The following ANO1 variants were observed in gnomAD, a reference collection of about 807,000 sequenced individuals.
ANO1 encodes anoctamin-1.
Under a neutral mutation model 124.0 loss-of-function variants are expected in ANO1, and 59 were observed. The ratio of observed to expected loss-of-function variants is 0.48; its 90% CI spans 0.39 to 0.59. ANO1 has a LOEUF of 0.59. Among genes scored for constraint, ANO1 ranks in the 20% least tolerant of loss-of-function variants. The pLI, the probability that ANO1 is intolerant of heterozygous loss-of-function variation, is 0.00. For missense variants in ANO1, 1,059 were observed against 1,328.0 expected, an observed-to-expected ratio of 0.80 and a Z score of 3.15; for synonymous variants, 529 against 532.0, an observed-to-expected ratio of 0.99 and a Z score of 0.08.
At chr11:70,167,591 T>C (rs981523450) in intron 21 of ANO1, among the ~76,000 whole-genome samples, 1 of 152,048 alleles carries the variant, frequency 6.6e-6, no homozygotes, top group Non-Finnish European at 1.5e-5. Flanking sequence ...GCATGGCTGC[T>C]CTGGATGGAG....
At chr11:70,134,955 C>G (rs564717208) in intron 11 of ANO1, among the ~76,000 whole-genome samples, 2 of 152,188 alleles carry the variant, frequency 1.3e-5, no homozygotes, top group Non-Finnish European at 2.9e-5. Flanking sequence ...ACTTAGTGTG[C>G]TGGCTCAGAG....
intron 1 of ANO1, among the ~76,000 whole-genome samples, chr11:69,999,303 G>T (rs1554998851): frequency 6.6e-6 from 1 of 152,052 alleles, no homozygotes; most frequent in Non-Finnish European, 1.5e-5. Flanking sequence ...AATCTCATGA[G>T]AACTCACTTA....
intron 1 of ANO1, among the ~76,000 whole-genome samples, chr11:70,011,342 G>A (rs1856595880): frequency 6.6e-6 from 1 of 152,132 alleles, no homozygotes; most frequent in Non-Finnish European, 1.5e-5. Flanking sequence ...TGTCAGCCAG[G>A]TGAGTTTAGG....
At chr11:70,154,037 A>T (rs2135662131) in intron 14 of ANO1, among the ~76,000 whole-genome samples, 1 of 152,080 alleles carries the variant, frequency 6.6e-6, no homozygotes, top group East Asian at 1.9e-4. Flanking sequence ...AAGTGCTGGG[A>T]TTACAGATGT....
intron 1 of ANO1, among the ~76,000 whole-genome samples, chr11:70,010,310 C>G (rs1200356571): frequency 6.6e-6 from 1 of 151,142 alleles, no homozygotes; most frequent in African/African-American, 2.4e-5. Context: ...CACAGGTGTG[C>G]AAGTGCCTTT....
the ANO1 span, among the ~76,000 whole-genome samples, chr11:69,976,529 A>G: frequency 2.1e-3 from 45 of 21,512 alleles, 5 homozygotes; most frequent in East Asian, 5.6e-3. Context: ...AAAAAAAAAA[A>G]AAAAAAAAAA....
chr11:70,187,987 C>A lies in ANO1; in HGVS notation c.2944C>A (p.His982Asn). 6.4e-7 allele frequency: 1 copy of A among 1,565,790 alleles called. No homozygotes were observed. Among genetic ancestry groups the A allele is most frequent in the South Asian group, 1.2e-5 (1 of 85,220 alleles). The stretch of plus-strand genomic sequence containing the variant: ...CAGCCCAGCCCCCAGCCATGCCTAC[C>A]ACGGGGGCGTCCTGTAGCTATGCCA... Reference protein sequence around the residue: ...LGSPAPSHAYHGGVL With the variant: ...LGSPAPSHAYNGGVL Residue 982 changes from histidine (H) to asparagine (N), a missense_variant, in exon 26 of 26, where the codon CAC (histidine) becomes AAC (asparagine). This residue lies in a region of ANO1 where 809 missense variants were observed against 1,094.9 expected (regional missense o/e 0.74). Transcript: ENST00000355303.
In ANO1 at chr11:70,187,817, A is replaced by G; in HGVS notation, c.2774A>G (p.Lys925Arg). The G allele has an allele frequency of 6.2e-7, 1 of 1,609,674 alleles. No individual in the cohort carries two copies. The change falls in exon 26 of 26, where the codon AAG (lysine) becomes AGG (arginine). Residue 925 changes from lysine (K) to arginine (R), a missense_variant. Physicochemically the swap from Lys to Arg is conservative, Grantham distance 26. Coordinates refer to ENST00000355303, the MANE Select transcript of ANO1 (RefSeq NM_018043.7). ...AAGGACATCAGCCAGCAGATCCACA[A>G]GGAGAAGGTGCTCATGGTGGAGCTG... ...IPKDISQQIH[K>R]EKVLMVELFM...
chr11:69,980,110 T>C, the ANO1 span, among the ~76,000 whole-genome samples: 1 of 152,206 alleles, frequency 6.6e-6, no homozygotes, highest in Non-Finnish European at 1.5e-5. Flanking sequence ...GGAAATTTTG[T>C]CACAGGCTAC....
At chr11:70,030,575 C>T (rs566632461) in intron 1 of ANO1, among the ~76,000 whole-genome samples, 194 of 152,300 alleles carry the variant, frequency 1.3e-3, no homozygotes, top group African/African-American at 4.6e-3. Flanking sequence ...GTGTCAGCGA[C>T]GCTGGGCTGG....
chr11:69,968,553 C>T, the ANO1 span, among the ~76,000 whole-genome samples: 79 of 152,204 alleles, frequency 5.2e-4, no homozygotes, highest in Non-Finnish European at 9.4e-4. Context: ...ATGACTCCGG[C>T]GTGCTGCCAA....
chr11:70,171,084 TG>T, intron 22 of ANO1, 45 bp downstream of exon 22: 1 of 1,590,108 alleles, frequency 6.3e-7, no homozygotes, highest in Admixed American at 1.8e-5. Context: ...GAGTGCGTGC[TG>T]GGTTTGGGGA....
the ANO1 span, among the ~76,000 whole-genome samples, chr11:69,976,898 G>A: frequency 7.2e-5 from 11 of 152,288 alleles, no homozygotes; most frequent in East Asian, 7.8e-4. Context: ...GGTGTTTGCC[G>A]GGTCCCTGGC....
intron 1 of ANO1, among the ~76,000 whole-genome samples, chr11:69,986,445 G>A (rs1856043658): frequency 6.6e-6 from 1 of 152,128 alleles, no homozygotes. Flanking sequence ...TGGGGGCGCC[G>A]CCGGGCAGGG....
At chr11:70,096,561 C>T (rs1362854887) in intron 2 of ANO1, among the ~76,000 whole-genome samples, 1 of 152,126 alleles carries the variant, frequency 6.6e-6, no homozygotes, top group Non-Finnish European at 1.5e-5. Context: ...GCCTGATGAT[C>T]AGAGGTGGAA....
the ANO1 span, among the ~76,000 whole-genome samples, chr11:69,968,467 C>T: frequency 6.6e-5 from 10 of 152,164 alleles, no homozygotes; most frequent in South Asian, 8.3e-4. Context: ...GGTTTGTTCT[C>T]GACGTGTCGG....
chr11:70,095,414 G>GA (rs762525778), intron 2 of ANO1, among the ~76,000 whole-genome samples: 7,508 of 69,026 alleles, frequency 0.11, 1,018 homozygotes, highest in Admixed American at 0.18. Flanking sequence ...AAGAAAGAAA[G>GA]AAAGAAAGAA....
At chr11:70,156,722 T>G (rs1048824874) in intron 15 of ANO1, among the ~76,000 whole-genome samples, 5 of 152,226 alleles carry the variant, frequency 3.3e-5, no homozygotes, top group Non-Finnish European at 7.3e-5. Flanking sequence ...CGGTTCTTGC[T>G]CCCGTTATCC....
At chr11:70,048,670 C>T (rs1857298388) in intron 1 of ANO1, among the ~76,000 whole-genome samples, 1 of 149,590 alleles carries the variant, frequency 6.7e-6, no homozygotes, top group South Asian at 2.2e-4. Context: ...GCCCTCCTCC[C>T]CTTCTCCCCC....
Sources: allele counts gnomAD v4.1 joint callset (sites outside exome capture counted in the v4.1 genomes callset), GRCh38; gene constraint gnomAD v4.1.1; regional missense constraint gnomAD v4.1.1; transcripts MANE v1.5; gene names NCBI Gene and HGNC (gene_info 2026-07-23, HGNC 2026-07-21).